The following RERE variants were observed in gnomAD, a reference collection of about 807,000 sequenced individuals.
RERE encodes arginine-glutamic acid dipeptide repeats.
In RERE, 40 loss-of-function variants were observed where a neutral mutation model predicts 146.1. The ratio of observed to expected loss-of-function variants is 0.27; its 90% CI spans 0.21 to 0.36. RERE has a LOEUF of 0.36. Ranked by LOEUF, RERE falls within the 10% of genes least tolerant of loss-of-function variation. The probability of loss-of-function intolerance (pLI) is 1.00; values close to 1 mark genes in which losing one functional copy is unlikely to be tolerated. For synonymous variants in RERE, 1,003 were observed against 866.0 expected (o/e 1.16, Z -2.78); for missense variants, 1,933 against 2,138.7 (o/e 0.90, Z 1.90).
intron 1 of RERE, among the ~76,000 whole-genome samples, chr1:8,721,893 C>G (rs1179728581): frequency 1.3e-5 from 2 of 152,202 alleles, no homozygotes; most frequent in African/African-American, 4.8e-5. Flanking sequence ...CGGAGCTGAA[C>G]AGTCAGCTAC....
intron 1 of RERE, among the ~76,000 whole-genome samples, chr1:8,718,312 A>G (rs998678764): frequency 6.6e-6 from 1 of 152,276 alleles, no homozygotes; most frequent in African/African-American, 2.4e-5. Context: ...ACAGGGTCAG[A>G]TAAGAATTTT....
chr1:8,598,256 G>C (rs989606102), intron 4 of RERE, among the ~76,000 whole-genome samples: 3 of 152,166 alleles, frequency 2.0e-5, no homozygotes, highest in African/African-American at 7.2e-5. Context: ...AAGCAGGAAC[G>C]AACATACGAG....
chr1:8,400,222 A>ATATATGTGTGTGTGTGTGTGTGTGTG (rs368219880), intron 12 of RERE, among the ~76,000 whole-genome samples: 1 of 140,062 alleles, frequency 7.1e-6, no homozygotes, highest in South Asian at 2.4e-4. Context: ...CCTGTGTCAT[A>ATATATGTGTGTGTGTGTGTGTGTGTG]TGTGTGTGTG....
At position 8,360,323 on chromosome 1, in the gene RERE, G is replaced by A. The variant is rs1413775068; in HGVS notation, c.3184C>T (p.Pro1062Ser). Residue 1062 changes from proline to serine, a missense_variant, in exon 18 of 23, where the codon CCT (proline) becomes TCT (serine). Pro to Ser is a moderately conservative substitution (Grantham distance 74). Transcript: ENST00000400908. Reference protein sequence around the residue: ...CPSTSTPPAGPGTSAQPPCSG... With the variant: ...CPSTSTPPAGSGTSAQPPCSG... ...CAGGGTGGCTGGGCCGAGGTGCCAGGTCCCGCCGGTGGGGTAGAGGTGGAG... is the reference window on the plus strand; with the variant it reads ...CAGGGTGGCTGGGCCGAGGTGCCAGATCCCGCCGGTGGGGTAGAGGTGGAG... The A allele has an allele frequency of 2.6e-6, 4 of 1,527,736 alleles. No individual in the cohort carries two copies. Among genetic ancestry groups the A allele is most frequent in the Non-Finnish European group, 3.5e-6 (4 of 1,135,890 alleles). 94.6% of individuals were successfully genotyped at this position (1,527,736 alleles called of 1,614,324 possible).
intron 7 of RERE, among the ~76,000 whole-genome samples, chr1:8,529,905 A>T (rs1645620475): frequency 6.6e-6 from 1 of 152,134 alleles, no homozygotes; most frequent in South Asian, 2.1e-4. Context: ...CTTTACACTG[A>T]GTTCACCCTG....
At chr1:8,659,028 T>C (rs1349738392) in intron 1 of RERE, among the ~76,000 whole-genome samples, 1 of 152,238 alleles carries the variant, frequency 6.6e-6, no homozygotes, top group Non-Finnish European at 1.5e-5. Context: ...TACTTCCTTC[T>C]ATGTAAGAAA....
chr1:8,800,104 G>A (rs1010857260), intron 1 of RERE, among the ~76,000 whole-genome samples: 3 of 151,974 alleles, frequency 2.0e-5, no homozygotes, highest in South Asian at 4.1e-4. Flanking sequence ...GTGAGCCACC[G>A]CACCTGGCCA....
intron 1 of RERE, among the ~76,000 whole-genome samples, chr1:8,716,231 G>C (rs1048879836): frequency 6.7e-6 from 1 of 149,482 alleles, no homozygotes; most frequent in Admixed American, 6.7e-5. Flanking sequence ...GAGAGGCCAA[G>C]GTGGCAGGAT....
At chr1:8,659,091 A>G (rs60343841) in intron 1 of RERE, among the ~76,000 whole-genome samples, 5,640 of 152,332 alleles carry the variant, frequency 0.037, 336 homozygotes, top group African/African-American at 0.13. Flanking sequence ...AAGAAAAGGA[A>G]AAATTATCAC....
chr1:8,573,852 C>T (rs1013484309), intron 4 of RERE, among the ~76,000 whole-genome samples: 7 of 152,216 alleles, frequency 4.6e-5, no homozygotes, highest in African/African-American at 1.7e-4. Flanking sequence ...CTCACCCAGG[C>T]TGCAGTGCAG....
chr1:8,660,421 G>A (rs1302880269), intron 1 of RERE, among the ~76,000 whole-genome samples: 3 of 152,170 alleles, frequency 2.0e-5, no homozygotes, highest in African/African-American at 7.2e-5. Flanking sequence ...ATAGCACCAT[G>A]AGGTTTACAG....
chr1:8,355,863 AGTCCC>A (rs1641269271), intron 21 of RERE, among the ~76,000 whole-genome samples: 1 of 152,084 alleles, frequency 6.6e-6, no homozygotes, highest in Non-Finnish European at 1.5e-5. Flanking sequence ...ACCTGCCGTG[AGTCCC>A]CTCTGCTACT....
intron 4 of RERE, among the ~76,000 whole-genome samples, chr1:8,581,587 T>A (rs1283537822): frequency 2.0e-5 from 3 of 152,222 alleles, no homozygotes; most frequent in African/African-American, 7.2e-5. Flanking sequence ...GAGATTATAT[T>A]TAGATCAATG....
intron 1 of RERE, among the ~76,000 whole-genome samples, chr1:8,793,565 G>A (rs564266276): frequency 2.6e-5 from 4 of 152,260 alleles, no homozygotes; most frequent in East Asian, 3.9e-4. Flanking sequence ...AAATATGGCC[G>A]CTTCCTACAG....
chr1:8,488,168 A>C (rs1250692171), intron 10 of RERE, among the ~76,000 whole-genome samples: 3 of 152,040 alleles, frequency 2.0e-5, no homozygotes, highest in African/African-American at 7.2e-5. Flanking sequence ...CAATATTGTT[A>C]GGATGTCAGT....
intron 1 of RERE, among the ~76,000 whole-genome samples, chr1:8,809,409 C>T (rs983444196): frequency 8.5e-5 from 13 of 152,120 alleles, no homozygotes; most frequent in African/African-American, 2.4e-4. Flanking sequence ...ATTTTTCATG[C>T]TAAGTCCTTA....
intron 12 of RERE, among the ~76,000 whole-genome samples, chr1:8,393,722 G>C (rs1441617783): frequency 6.6e-6 from 1 of 152,040 alleles, no homozygotes; most frequent in Non-Finnish European, 1.5e-5. Context: ...ATCCAGAACT[G>C]GGCAACTACA....
intron 4 of RERE, 86 bp downstream of exon 4, chr1:8,614,475 G>A: frequency 7.3e-7 from 1 of 1,366,750 alleles, no homozygotes; most frequent in South Asian, 1.4e-5. Context: ...TTTTAAAAGG[G>A]GCTCTGGGGA....
intron 12 of RERE, among the ~76,000 whole-genome samples, chr1:8,388,652 C>G (rs1642771634): frequency 6.6e-6 from 1 of 152,220 alleles, no homozygotes; most frequent in Admixed American, 6.5e-5. Flanking sequence ...GTGGTGGCGA[C>G]AGTTCACCGT....
Sources: gnomAD v4.1 joint callset for allele counts (sites outside exome capture counted in the v4.1 genomes callset) on GRCh38, gnomAD v4.1.1 for gene constraint, MANE v1.5 for transcripts, NCBI Gene and HGNC (gene_info 2026-07-23, HGNC 2026-07-21) for gene names.